TEAD1: variants seen among roughly 807,000 people sequenced by gnomAD.
The protein encoded by TEAD1 is transcriptional enhancer factor TEF-1.
In TEAD1, 9 loss-of-function variants were observed where a neutral mutation model predicts 54.9. The observed-to-expected ratio is 0.16, with a 90% confidence interval of 0.10 to 0.29. The LOEUF (loss-of-function observed/expected upper bound fraction) is 0.29, where lower values mean the gene tolerates loss of function less well. Ranked by LOEUF, TEAD1 falls within the 10% of genes least tolerant of loss-of-function variation. The probability of loss-of-function intolerance (pLI) is 1.00; values close to 1 mark genes in which losing one functional copy is unlikely to be tolerated. For missense variants in TEAD1, 387 were observed against 535.9 expected, an observed-to-expected ratio of 0.72 and a Z score of 2.74; for synonymous variants, 200 against 187.8, an observed-to-expected ratio of 1.07 and a Z score of -0.53.
intron 9 of TEAD1, among the ~76,000 whole-genome samples, chr11:12,894,821 G>A (rs1948277082): frequency 6.6e-6 from 1 of 152,066 alleles, no homozygotes. Context: ...TGATTCTTCC[G>A]GAAAGTAATA....
At chr11:12,781,844 G>C (rs1397925765) in intron 3 of TEAD1, among the ~76,000 whole-genome samples, 1 of 151,500 alleles carries the variant, frequency 6.6e-6, no homozygotes, top group Non-Finnish European at 1.5e-5. Context: ...TTGTACATTA[G>C]GGGTAGGTGT....
rs1943033591 is a variant in TEAD1 at position 12,674,540 on chromosome 11, C to G, written c.-502C>G. On this transcript the variant is annotated 5_prime_UTR_variant, in exon 1 of 13. Coordinates refer to ENST00000527636, the MANE Select transcript of TEAD1 (RefSeq NM_021961.6). ...GGGCGCCCACCAAGCACTTTGCAGA[C>G]TCGCTTCCACCCTGCGGGCCATTCC... 6.6e-6 allele frequency: 1 copy of G among 150,976 alleles called. No homozygotes were observed. The highest frequency in any genetic ancestry group is 1.5e-5 in the Non-Finnish European group (1 of 67,752). 9.4% of individuals were successfully genotyped at this position (150,976 alleles called of 1,614,324 possible).
At chr11:12,899,999 T>C (rs1187347902) in intron 9 of TEAD1, among the ~76,000 whole-genome samples, 6 of 152,248 alleles carry the variant, frequency 3.9e-5, no homozygotes, top group African/African-American at 9.6e-5. Flanking sequence ...ATATATTTCA[T>C]AGGGTTTTGT....
intron 3 of TEAD1, among the ~76,000 whole-genome samples, chr11:12,839,939 G>C (rs564858165): frequency 1.5e-4 from 23 of 152,108 alleles, no homozygotes; most frequent in Non-Finnish European, 2.5e-4. Flanking sequence ...AAAACAGTTC[G>C]GAGGCAGCTT....
Position 12,757,824 on chromosome 11 carries a change from G to A in TEAD1, c.-54-6355G>A, listed in dbSNP as rs181317662. ...AGACAGAGTCTTGTTCTGTCACTCA[G>A]ACTGGAGTGCAGTGGCCTGATCTTG... On this transcript the variant is annotated intron_variant, in intron 2 of 12. Transcript: ENST00000527636. Among the ~76,000 whole-genome samples the A allele has an allele frequency of 8.5e-5, 13 of 152,206 alleles. No homozygotes were observed. The East Asian group carries it at 2.1e-3, about 25-fold the overall frequency.
intron 2 of TEAD1, among the ~76,000 whole-genome samples, chr11:12,702,494 A>G (rs1564911831): frequency 6.6e-6 from 1 of 152,262 alleles, no homozygotes; most frequent in East Asian, 1.9e-4. Flanking sequence ...GTAGAAGGAT[A>G]AGAATCGTTA....
chr11:12,825,421 A>C (rs1946632753), intron 3 of TEAD1, among the ~76,000 whole-genome samples: 1 of 152,210 alleles, frequency 6.6e-6, no homozygotes, highest in Non-Finnish European at 1.5e-5. Context: ...TACAAAAATC[A>C]ATTGTATTTT....
intron 2 of TEAD1, among the ~76,000 whole-genome samples, chr11:12,757,323 C>A (rs1468578878): frequency 1.3e-5 from 2 of 152,134 alleles, no homozygotes; most frequent in African/African-American, 4.8e-5. Flanking sequence ...ATCTCTTTCC[C>A]TGTAGCTGTC....
At chr11:12,782,105 TCCCCACGGCA>T (rs1945567506) in intron 3 of TEAD1, among the ~76,000 whole-genome samples, 1 of 151,812 alleles carries the variant, frequency 6.6e-6, no homozygotes, top group Non-Finnish European at 1.5e-5. Context: ...AGCAGAGATC[TCCCCACGGCA>T]CTCCAGCCTG....
chr11:12,734,717 A>G (rs149834093), intron 2 of TEAD1, among the ~76,000 whole-genome samples: 62 of 152,306 alleles, frequency 4.1e-4, no homozygotes, highest in Non-Finnish European at 6.8e-4. Flanking sequence ...TGCCGTACAG[A>G]TCTGTATTCT....
chr11:12,828,484 CCTTT>C (rs1411819142), intron 3 of TEAD1: 1 of 152,150 alleles, frequency 6.6e-6, no homozygotes, highest in Non-Finnish European at 1.5e-5. Context: ...AGACCTCTCT[CCTTT>C]CTTTTTGTGC....
chr11:12,717,707 C>G (rs1200404453), intron 2 of TEAD1, among the ~76,000 whole-genome samples: 1 of 152,186 alleles, frequency 6.6e-6, no homozygotes, highest in African/African-American at 2.4e-5. Context: ...TAGTAGGGGT[C>G]TGTACCCCAC....
intron 2 of TEAD1, among the ~76,000 whole-genome samples, chr11:12,726,935 C>A (rs1375789567): frequency 1.3e-5 from 2 of 152,078 alleles, no homozygotes; most frequent in East Asian, 3.9e-4. Flanking sequence ...TCACCTGTTT[C>A]TTTTTATGTC....
chr11:12,679,228 A>G (rs1216204109), intron 2 of TEAD1, among the ~76,000 whole-genome samples: 3 of 152,084 alleles, frequency 2.0e-5, no homozygotes, highest in Non-Finnish European at 4.4e-5. Context: ...TACATGCACT[A>G]CACCCACCCC....
At chr11:12,933,066 T>G (rs1333793093) in intron 12 of TEAD1, among the ~76,000 whole-genome samples, 3 of 152,184 alleles carry the variant, frequency 2.0e-5, no homozygotes, top group African/African-American at 7.2e-5. Flanking sequence ...ACCGTCTAGG[T>G]CTGAGTAAGT....
intron 3 of TEAD1, among the ~76,000 whole-genome samples, chr11:12,788,522 T>C (rs1047384728): frequency 6.6e-6 from 1 of 152,218 alleles, no homozygotes; most frequent in African/African-American, 2.4e-5. Flanking sequence ...AACAGATTTG[T>C]AAATTTTTGG....
chr11:12,674,948 GACGGCGGGCGGGCAC>G (rs1298060715), intron 1 of TEAD1, 114 bp downstream of exon 1: 1 of 149,178 alleles, frequency 6.7e-6, no homozygotes, highest in Non-Finnish European at 1.5e-5. Flanking sequence ...CTTTGTGTGC[GACGGCGGGCGGGCAC>G]GCGGAGGGCC....
In TEAD1 at chr11:12,778,496, CT is replaced by C. The variant is rs533890201; in HGVS notation, c.202+14066del. 6.1e-5 allele frequency among the ~76,000 whole-genome samples: 9 copies of C among 148,478 alleles called. 2 individuals are homozygous for C. Among genetic ancestry groups the C allele is most frequent in the African/African-American group, 2.2e-4 (9 of 40,286 alleles). Reference sequence around the variant, plus strand: ...TCTCTTATGTTTCCAAAGCACATGACTTTTAACTGTCCATTAAAGGCCTCAT... The same window carrying C: ...TCTCTTATGTTTCCAAAGCACATGACTTTAACTGTCCATTAAAGGCCTCAT... On this transcript the variant is annotated intron_variant, in intron 3 of 12. Coordinates refer to ENST00000527636, the MANE Select transcript of TEAD1 (RefSeq NM_021961.6).
At chr11:12,877,685 G>C (rs951801811) in intron 5 of TEAD1, among the ~76,000 whole-genome samples, 1 of 151,710 alleles carries the variant, frequency 6.6e-6, no homozygotes, top group Non-Finnish European at 1.5e-5. Flanking sequence ...GAAATTAATG[G>C]AAGTGTTAGG....
Sources: allele counts gnomAD v4.1 joint callset (sites outside exome capture counted in the v4.1 genomes callset), GRCh38; gene constraint gnomAD v4.1.1; transcripts MANE v1.5; gene names NCBI Gene and HGNC (gene_info 2026-07-23, HGNC 2026-07-21).